Variants in SIPA1L1 observed in about 807,000 individuals in gnomAD.
SIPA1L1 encodes the protein signal-induced proliferation-associated 1-like protein 1.
Under a neutral mutation model 162.7 loss-of-function variants are expected in SIPA1L1, and 26 were observed. That is an observed-to-expected ratio of 0.16 (90% CI 0.12 to 0.22). SIPA1L1 has a LOEUF of 0.22. SIPA1L1 is among the 10% of genes least tolerant of loss of function. The pLI is 1.00. For missense variants in SIPA1L1, 1,874 were observed against 2,241.0 expected (o/e 0.84, Z 3.31); for synonymous variants, 829 against 837.4 (o/e 0.99, Z 0.17).
intron 2 of SIPA1L1, among the ~76,000 whole-genome samples, chr14:71,394,490 T>A (rs2041023471): frequency 6.6e-6 from 1 of 152,232 alleles, no homozygotes; most frequent in African/African-American, 2.4e-5. Flanking sequence ...GAGAGAACTA[T>A]CTTGCTTGAG....
intron 10 of SIPA1L1, among the ~76,000 whole-genome samples, chr14:71,661,888 C>T (rs968604634): frequency 6.6e-6 from 1 of 152,186 alleles, no homozygotes; most frequent in Non-Finnish European, 1.5e-5. Flanking sequence ...ACTTGATTCA[C>T]GTTAGCACTC....
intron 5 of SIPA1L1, among the ~76,000 whole-genome samples, chr14:71,603,951 T>C (rs1356455941): frequency 2.1e-5 from 3 of 144,584 alleles, no homozygotes; most frequent in African/African-American, 7.6e-5. Flanking sequence ...CTATATATAT[T>C]TATATATATT....
At chr14:71,370,069 C>A (rs891395951) in intron 2 of SIPA1L1, among the ~76,000 whole-genome samples, 1 of 130,684 alleles carries the variant, frequency 7.7e-6, no homozygotes, top group African/African-American at 2.8e-5. Context: ...TGGGCTGAGA[C>A]GATGGGGTTT....
chr14:71,542,352 CTCTTTCT>C (rs549342591), intron 4 of SIPA1L1, among the ~76,000 whole-genome samples: 28 of 117,414 alleles, frequency 2.4e-4, no homozygotes, highest in African/African-American at 7.9e-4. Flanking sequence ...TCCTTCTTTC[CTCTTTCT>C]TCTTCTTCCT....
Position 71,547,292 on chromosome 14 carries a change from CTTTTTTTTTTTT to C in SIPA1L1, c.-303+17933_-303+17944del, listed in dbSNP as rs753714304. On this transcript the variant is annotated intron_variant, in intron 4 of 23. Transcript: ENST00000381232. ...GATTCGTCACTTAATATGAAAATAA[CTTTTTTTTTTTT>C]TTTTTTTTTTGAGATGGAGTCTCGC... Among the ~76,000 whole-genome samples the C allele has an allele frequency of 2.7e-5, 3 of 111,282 alleles. No homozygotes were observed. The East Asian group carries it at 9.4e-4, about 35-fold the overall frequency. 73.0% of individuals were successfully genotyped at this position (111,282 alleles called of 152,430 possible).
At chr14:71,680,240 T>G (rs984058635) in intron 12 of SIPA1L1, among the ~76,000 whole-genome samples, 2 of 152,206 alleles carry the variant, frequency 1.3e-5, no homozygotes, top group African/African-American at 4.8e-5. Flanking sequence ...CAGACCACAG[T>G]GCAATCAAAC....
At chr14:71,645,111 C>G (rs1288915503) in intron 7 of SIPA1L1, among the ~76,000 whole-genome samples, 1 of 152,244 alleles carries the variant, frequency 6.6e-6, no homozygotes, top group Admixed American at 6.5e-5. Flanking sequence ...CACCTTGGCT[C>G]ATGGCCCTTC....
intron 4 of SIPA1L1, among the ~76,000 whole-genome samples, chr14:71,531,765 C>T (rs1210951916): frequency 6.6e-6 from 1 of 152,088 alleles, no homozygotes; most frequent in Non-Finnish European, 1.5e-5. Flanking sequence ...CCTCAGCCTT[C>T]AAGAGTGCTA....
intron 14 of SIPA1L1, among the ~76,000 whole-genome samples, chr14:71,700,685 TG>T (rs1566683743): frequency 6.6e-6 from 1 of 152,080 alleles, no homozygotes; most frequent in African/African-American, 2.4e-5. Context: ...AAACAGTAAC[TG>T]GGGGGATGAT....
intron 2 of SIPA1L1, among the ~76,000 whole-genome samples, chr14:71,447,072 C>T (rs915903110): frequency 6.6e-6 from 1 of 150,532 alleles, no homozygotes; most frequent in Admixed American, 6.6e-5. Context: ...CCACCATGCT[C>T]AGCTAATTAC....
Position 71,452,642 on chromosome 14 carries a change from C to A in SIPA1L1, c.-464-60101C>A, listed in dbSNP as rs577723198. Among the ~76,000 whole-genome samples the A allele has an allele frequency of 2.7e-4, 41 of 152,280 alleles. No homozygotes were observed. In the East Asian group the frequency reaches 7.5e-3, roughly 28 times the overall value. ...CTTCTACTAAAGTAGTTTACTGATT[C>A]ACTCTCACACACAGTGTGTGAGAGT... On this transcript the variant is annotated intron_variant, in intron 2 of 23. Coordinates refer to ENST00000381232, the MANE Select transcript of SIPA1L1 (RefSeq NM_001386936.1).
At position 71,526,724 on chromosome 14, in the gene SIPA1L1, C is replaced by G. The variant is rs74247388; in HGVS notation, c.-361-2588C>G. Among the ~76,000 whole-genome samples the G allele has an allele frequency of 2.6e-4, 39 of 151,468 alleles. No individual in the cohort carries two copies. The East Asian group carries it at 7.6e-3, about 29-fold the overall frequency. On this transcript the variant is annotated intron_variant, in intron 3 of 23. Transcript: ENST00000381232. ...GAAATATTTACTATTTGGCCCTTTA[C>G]AGGAGAAAAAAAAAATCCTGATTCC...
At chr14:71,504,936 A>G (rs908387091) in intron 2 of SIPA1L1, among the ~76,000 whole-genome samples, 2 of 152,106 alleles carry the variant, frequency 1.3e-5, no homozygotes, top group African/African-American at 2.4e-5. Flanking sequence ...TTAATGAAGG[A>G]TCACTTTTGT....
chr14:71,516,413 G>T (rs2051733451), intron 3 of SIPA1L1, among the ~76,000 whole-genome samples: 1 of 152,090 alleles, frequency 6.6e-6, no homozygotes, highest in Non-Finnish European at 1.5e-5. Flanking sequence ...CTGAGACAGG[G>T]TCTTGCTTTG....
intron 7 of SIPA1L1, among the ~76,000 whole-genome samples, chr14:71,625,466 G>A (rs2148627115): frequency 6.6e-6 from 1 of 152,216 alleles, no homozygotes; most frequent in African/African-American, 2.4e-5. Context: ...CGCCTGGCCA[G>A]GTGTCTCTTT....
chr14:71,540,327 A>T (rs561331354), intron 4 of SIPA1L1, among the ~76,000 whole-genome samples: 1 of 152,302 alleles, frequency 6.6e-6, no homozygotes, highest in African/African-American at 2.4e-5. Flanking sequence ...TGAAATCAAA[A>T]TACCATCAAA....
intron 2 of SIPA1L1, chr14:71,330,447 A>T: frequency 3.1e-6 from 5 of 1,589,696 alleles, no homozygotes; most frequent in Non-Finnish European, 4.3e-6. Flanking sequence ...TGTGCTCAAT[A>T]TCTTGGAAAT....
chr14:71,604,095 T>C (rs967648305), intron 5 of SIPA1L1, among the ~76,000 whole-genome samples: 1 of 150,418 alleles, frequency 6.6e-6, no homozygotes, highest in Non-Finnish European at 1.5e-5. Flanking sequence ...CCTCCCAGGC[T>C]CAAGTGATCC....
intron 18 of SIPA1L1, 68 bp from the exon 19 acceptor site, chr14:71,724,602 G>A: frequency 7.9e-7 from 1 of 1,270,560 alleles, no homozygotes; most frequent in East Asian, 2.3e-5. Flanking sequence ...ACATCCTTTA[G>A]AGCCCATCAT....
Sources: allele counts gnomAD v4.1 joint callset (sites outside exome capture counted in the v4.1 genomes callset), GRCh38; gene constraint gnomAD v4.1.1; transcripts MANE v1.5; gene names NCBI Gene and HGNC (gene_info 2026-07-23, HGNC 2026-07-21).